Variants in CSMD1 observed in about 807,000 individuals in gnomAD.
CSMD1 encodes the protein CUB and sushi domain-containing protein 1.
In CSMD1, 213 loss-of-function variants were observed where a neutral mutation model predicts 417.5. That is an observed-to-expected ratio of 0.51 (90% CI 0.46 to 0.57). The LOEUF (loss-of-function observed/expected upper bound fraction) is 0.57, where lower values mean the gene tolerates loss of function less well. Among genes scored for constraint, CSMD1 ranks in the 20% least tolerant of loss-of-function variants. The pLI is 0.00. For missense variants in CSMD1, 6,923 were observed against 4,529.7 expected (o/e 1.53, Z -15.17); for synonymous variants, 2,862 against 1,736.8 (o/e 1.65, Z -16.11).
chr8:4,500,970 A>G (rs891781020), intron 2 of CSMD1, among the ~76,000 whole-genome samples: 8 of 152,088 alleles, frequency 5.3e-5, no homozygotes, highest in Admixed American at 2.0e-4. Flanking sequence ...TTTGATTTGT[A>G]TGCACCAAGA....
intron 26 of CSMD1, among the ~76,000 whole-genome samples, chr8:3,265,138 A>T (rs1030331402): frequency 6.6e-6 from 1 of 152,196 alleles, no homozygotes; most frequent in Non-Finnish European, 1.5e-5. Context: ...TAGAGCAGAG[A>T]TATTAAAAAT....
intron 2 of CSMD1, among the ~76,000 whole-genome samples, chr8:4,422,510 GA>G (rs1400136513): frequency 6.6e-6 from 1 of 152,088 alleles, no homozygotes; most frequent in African/African-American, 2.4e-5. Context: ...CACATACTGA[GA>G]AAAGACCATG....
At chr8:4,534,788 A>C (rs1185128338) in intron 2 of CSMD1, among the ~76,000 whole-genome samples, 1 of 151,932 alleles carries the variant, frequency 6.6e-6, no homozygotes, top group Non-Finnish European at 1.5e-5. Flanking sequence ...TTTGAGGTGG[A>C]GTCTTGCTCC....
At chr8:3,476,161 AG>A (rs1473242178) in intron 11 of CSMD1, among the ~76,000 whole-genome samples, 1 of 152,222 alleles carries the variant, frequency 6.6e-6, no homozygotes, top group Non-Finnish European at 1.5e-5. Context: ...TGCGCAACAT[AG>A]CGAGGCCTTG....
At chr8:4,726,284 G>C (rs186358307) in intron 1 of CSMD1, among the ~76,000 whole-genome samples, 2 of 151,202 alleles carry the variant, frequency 1.3e-5, no homozygotes, top group African/African-American at 2.4e-5. Flanking sequence ...ATCCTTTGTA[G>C]TAATGGCGAC....
chr8:4,071,556 C>G (rs888119045), intron 3 of CSMD1, among the ~76,000 whole-genome samples: 1 of 152,082 alleles, frequency 6.6e-6, no homozygotes, highest in African/African-American at 2.4e-5. Flanking sequence ...AAATCCTTCT[C>G]CGCTAATTCC....
chr8:4,610,175 C>T (rs1436854351), intron 2 of CSMD1, among the ~76,000 whole-genome samples: 1 of 152,118 alleles, frequency 6.6e-6, no homozygotes, highest in Admixed American at 6.6e-5. Flanking sequence ...CTTTCTTCTA[C>T]TTCATTTAAA....
chr8:4,392,323 G>C (rs1177125873), intron 3 of CSMD1, among the ~76,000 whole-genome samples: 1 of 152,162 alleles, frequency 6.6e-6, no homozygotes, highest in Non-Finnish European at 1.5e-5. Context: ...TTACCATGGG[G>C]ACCACGGATA....
chr8:4,206,307 T>C (rs1799975306), intron 3 of CSMD1, among the ~76,000 whole-genome samples: 2 of 152,124 alleles, frequency 1.3e-5, no homozygotes, highest in Admixed American at 6.6e-5. Context: ...AACTTGTCAT[T>C]TACATTAGGT....
chr8:3,949,849 C>A (rs968804064), intron 5 of CSMD1: 1 of 453,116 alleles, frequency 2.2e-6, no homozygotes, highest in African/African-American at 2.0e-5. Context: ...TTGAGGGGAT[C>A]CCTGGGGACA....
rs1010247736 is a variant in CSMD1, at chr8:4,921,130, G to A, written c.85+73202C>T. Among the ~76,000 whole-genome samples the A allele has an allele frequency of 4.0e-5, 6 of 151,616 alleles. No homozygotes were observed. In the South Asian group the frequency reaches 1.3e-3, roughly 32 times the overall value. On this transcript the variant is annotated intron_variant, in intron 1 of 69. Coordinates refer to ENST00000635120, the MANE Select transcript of CSMD1 (RefSeq NM_033225.6). ...AAAGAAAGAAAGAAAAGAAAAGAAAGTAAAAGAAAGAAAGAAATTATGATG... is the reference window on the plus strand; with the variant it reads ...AAAGAAAGAAAGAAAAGAAAAGAAAATAAAAGAAAGAAAGAAATTATGATG...
chr8:4,390,776 C>T (rs1455660079), intron 3 of CSMD1, among the ~76,000 whole-genome samples: 5 of 151,966 alleles, frequency 3.3e-5, no homozygotes, highest in African/African-American at 9.7e-5. Context: ...CTTCTGACCT[C>T]GTGATCCACC....
chr8:3,006,051 G>T (rs912361612), intron 52 of CSMD1, among the ~76,000 whole-genome samples: 9 of 151,924 alleles, frequency 5.9e-5, no homozygotes, highest in African/African-American at 1.5e-4. Flanking sequence ...ATCTCCTTAA[G>T]CTGATAAGCA....
intron 5 of CSMD1, among the ~76,000 whole-genome samples, chr8:3,778,016 A>G (rs1477703356): frequency 2.0e-5 from 3 of 152,166 alleles, no homozygotes; most frequent in East Asian, 1.9e-4. Context: ...CAGCCTAAGA[A>G]ACTCTGGCTG....
At chr8:3,869,257 G>A (rs1805316603) in intron 5 of CSMD1, among the ~76,000 whole-genome samples, 1 of 152,126 alleles carries the variant, frequency 6.6e-6, no homozygotes. Flanking sequence ...CTTCACTCAA[G>A]GGTCTCTTTC....
At chr8:4,864,361 T>C (rs1802305553) in intron 1 of CSMD1, among the ~76,000 whole-genome samples, 1 of 151,906 alleles carries the variant, frequency 6.6e-6, no homozygotes, top group African/African-American at 2.4e-5. Context: ...AAAAAACAAG[T>C]AATTACGTAA....
chr8:4,782,966 C>T (rs750235715), intron 1 of CSMD1, among the ~76,000 whole-genome samples: 1 of 143,674 alleles, frequency 7.0e-6, no homozygotes, highest in African/African-American at 2.5e-5. Flanking sequence ...AAAAAAAAGA[C>T]GACTTCAGAT....
At chr8:3,918,545 C>T (rs575576864) in intron 5 of CSMD1, among the ~76,000 whole-genome samples, 1 of 152,012 alleles carries the variant, frequency 6.6e-6, no homozygotes, top group South Asian at 2.1e-4. Flanking sequence ...AATTTGTTTT[C>T]TATTGAAGTA....
At position 3,411,986 on chromosome 8, in the gene CSMD1, A is replaced by ATATGTATACGTG. The variant is rs201340779; in HGVS notation, c.1562-2382_1562-2381insCACGTATACATA. Among the ~76,000 whole-genome samples, 6 of 6,976 alleles carry ATATGTATACGTG rather than the reference A, an allele frequency of 8.6e-4. 3 individuals are homozygous for ATATGTATACGTG. Among genetic ancestry groups the ATATGTATACGTG allele is most frequent in the Non-Finnish European group, 1.7e-3 (4 of 2,422 alleles). 4.6% of individuals were successfully genotyped at this position (6,976 alleles called of 152,430 possible). On this transcript the variant is annotated intron_variant, in intron 12 of 69. Transcript: ENST00000635120. ...TATATGCACGTATATATACACGTAT[A>ATATGTATACGTG]TATACGTGTATATACACGTATATAT... is the stretch of plus-strand genomic sequence containing the variant.
Sources: allele counts gnomAD v4.1 joint callset (sites outside exome capture counted in the v4.1 genomes callset), GRCh38; gene constraint gnomAD v4.1.1; transcripts MANE v1.5; gene names NCBI Gene and HGNC (gene_info 2026-07-23, HGNC 2026-07-21).